The following LOC101059915 variants were observed in gnomAD, a reference collection of about 807,000 sequenced individuals.
chrX:71,668,748 G>C, the LOC101059915 span: 294 of 1,070,517 alleles, frequency 2.7e-4, no homozygotes, highest in East Asian at 8.6e-3. Flanking sequence ...CCCTACCCCG[G>C]GGCACTCTGG....
chrX:71,668,942 G>C, the LOC101059915 span: 1 of 1,156,306 alleles, frequency 8.6e-7, no homozygotes, highest in Admixed American at 2.7e-5. Context: ...AAGCACAGCA[G>C]CCCTGGGAAG....
the LOC101059915 span, chrX:71,668,235 T>C: frequency 8.9e-7 from 1 of 1,119,521 alleles, no homozygotes; most frequent in South Asian, 2.2e-5. Flanking sequence ...TCGGTCCCAG[T>C]TGGAGAGGTG....
chrX:71,670,282 C>T, the LOC101059915 span: 47 of 1,164,428 alleles, frequency 4.0e-5, no homozygotes, highest in Non-Finnish European at 5.3e-5. Flanking sequence ...CCTGTCCATC[C>T]CCCAAGACCG....
the LOC101059915 span, chrX:71,667,740 C>G: frequency 3.1e-6 from 3 of 983,151 alleles, no homozygotes; most frequent in Non-Finnish European, 3.8e-6. Flanking sequence ...GCTCGGCTCT[C>G]CTCTCCCACT....
chrX:71,670,721 G>T, the LOC101059915 span: 4 of 1,099,928 alleles, frequency 3.6e-6, no homozygotes, highest in Admixed American at 1.1e-4. Context: ...TGCTGGTGGT[G>T]GGGGTGGACT....
At chrX:71,670,306 A>G in the LOC101059915 span, 1 of 1,163,909 alleles carries the variant, frequency 8.6e-7, no homozygotes, top group Admixed American at 2.6e-5. Flanking sequence ...AGGCAGCAGC[A>G]GCCCCCGGGA....
At chrX:71,670,256 A>G in the LOC101059915 span, 4 of 1,166,390 alleles carry the variant, frequency 3.4e-6, no homozygotes, top group Non-Finnish European at 4.6e-6. Flanking sequence ...GTTCTCTTTC[A>G]GGTGACTGGC....
the LOC101059915 span, chrX:71,667,853 A>G: frequency 9.2e-7 from 1 of 1,091,459 alleles, no homozygotes; most frequent in Non-Finnish European, 1.2e-6. Flanking sequence ...TTAGGCCCAG[A>G]GGGTGGCGAG....
the LOC101059915 span, chrX:71,671,417 T>C: frequency 9.8e-6 from 5 of 510,475 alleles, no homozygotes; most frequent in Non-Finnish European, 1.6e-5. Context: ...GAGCTGCAGC[T>C]AAGCGGGTTC....
the LOC101059915 span, chrX:71,670,175 T>A: frequency 5.5e-6 from 6 of 1,100,463 alleles, no homozygotes; most frequent in Non-Finnish European, 7.3e-6. Context: ...CAGCAGAGGG[T>A]GATGGTGCCT....
At chrX:71,669,538 A>T in the LOC101059915 span, 4 of 957,314 alleles carry the variant, frequency 4.2e-6, no homozygotes, top group Non-Finnish European at 5.3e-6. Context: ...TGCCAGCCTG[A>T]CTCAGAAATT....
At chrX:71,668,189 C>T in the LOC101059915 span, 1 of 1,124,423 alleles carries the variant, frequency 8.9e-7, no homozygotes, top group Non-Finnish European at 1.2e-6. Context: ...GGCGCCACTG[C>T]CAAAGGGTCC....
the LOC101059915 span, chrX:71,671,460 C>T: frequency 2.5e-6 from 1 of 397,534 alleles, no homozygotes. Flanking sequence ...GGCTTCCTCT[C>T]TTCTGCTGCA....
chrX:71,670,113 C>T, the LOC101059915 span: 14 of 763,293 alleles, frequency 1.8e-5, no homozygotes, highest in African/African-American at 1.9e-4. Flanking sequence ...CAGGGAAGAC[C>T]GTCCCAGAGG....
At chrX:71,670,275 G>A in the LOC101059915 span, 3 of 1,164,349 alleles carry the variant, frequency 2.6e-6, no homozygotes, top group African/African-American at 5.4e-5. Flanking sequence ...GCAGCCACCT[G>A]TCCATCCCCC....
the LOC101059915 span, chrX:71,669,073 C>T: frequency 3.9e-5 from 44 of 1,121,893 alleles, no homozygotes; most frequent in South Asian, 1.1e-4. Context: ...TCCTCCTTCT[C>T]CTCCTTGCTC....
At chrX:71,671,157 G>T in the LOC101059915 span, 5 of 1,162,461 alleles carry the variant, frequency 4.3e-6, no homozygotes, top group Non-Finnish European at 5.7e-6. Flanking sequence ...CAGGGCGTGG[G>T]TTTCTGTTTC....
chrX:71,670,649 A>AC, the LOC101059915 span: 1 of 1,110,505 alleles, frequency 9.0e-7, no homozygotes, highest in African/African-American at 1.9e-5. Flanking sequence ...GACCTTAGAG[A>AC]CCAACTAGGT....
chrX:71,670,739 T>G, the LOC101059915 span: 1 of 1,090,481 alleles, frequency 9.2e-7, no homozygotes, highest in South Asian at 2.5e-5. Flanking sequence ...ACTGCAGGTA[T>G]AGGTGGTGTC....
Sources: gnomAD v4.1 joint callset for allele counts on GRCh38, gnomAD v4.1.1 for gene constraint, MANE v1.5 for transcripts.